DGKB: variants seen among roughly 807,000 people sequenced by gnomAD.
DGKB encodes 90 kDa diacylglycerol kinase.
A neutral mutation model predicts 114.3 loss-of-function variants in DGKB; 67 were observed. That is an observed-to-expected ratio of 0.59 (90% CI 0.48 to 0.72). The LOEUF (loss-of-function observed/expected upper bound fraction) is 0.72, where lower values mean the gene tolerates loss of function less well. DGKB is among the 30% of genes least tolerant of loss of function. The pLI is 0.00. For synonymous variants in DGKB, 398 were observed against 323.1 expected (o/e 1.23, Z -2.49); for missense variants, 907 against 975.2 (o/e 0.93, Z 0.93).
At chr7:14,684,961 TC>T (rs1821423104) in intron 10 of DGKB, among the ~76,000 whole-genome samples, 1 of 151,946 alleles carries the variant, frequency 6.6e-6, no homozygotes, top group Admixed American at 6.6e-5. Context: ...TTCAAAATAA[TC>T]CCTGAAGAAA....
At chr7:14,559,007 A>AT (rs1796272243) in intron 20 of DGKB, among the ~76,000 whole-genome samples, 1 of 152,198 alleles carries the variant, frequency 6.6e-6, no homozygotes, top group South Asian at 2.1e-4. Flanking sequence ...GCATGTCCCT[A>AT]TTTTCTTAGA....
chr7:14,763,924 G>C (rs1224001659), intron 2 of DGKB, among the ~76,000 whole-genome samples: 2 of 151,972 alleles, frequency 1.3e-5, no homozygotes, highest in Non-Finnish European at 2.9e-5. Context: ...TGGTTTTCCA[G>C]GCTAATATGA....
chr7:14,843,235 T>C (rs973889628), intron 1 of DGKB, among the ~76,000 whole-genome samples: 1 of 150,448 alleles, frequency 6.6e-6, no homozygotes, highest in East Asian at 1.9e-4. Flanking sequence ...AAAAAAGGAT[T>C]AAATGTATAC....
chr7:14,257,728 ATTTAC>A (rs1168776538), intron 23 of DGKB, among the ~76,000 whole-genome samples: 7 of 151,812 alleles, frequency 4.6e-5, no homozygotes, highest in Non-Finnish European at 2.9e-5. Context: ...TAAACCTTTT[ATTTAC>A]TTATTTTTTT....
chr7:14,469,404 A>G (rs1780944328), intron 21 of DGKB, among the ~76,000 whole-genome samples: 1 of 152,116 alleles, frequency 6.6e-6, no homozygotes, highest in African/African-American at 2.4e-5. Flanking sequence ...TGCAGTGGCA[A>G]AAATAAAAAA....
At chr7:14,925,479 G>T (rs1488540525) in intron 1 of DGKB, among the ~76,000 whole-genome samples, 1 of 152,090 alleles carries the variant, frequency 6.6e-6, no homozygotes, top group East Asian at 1.9e-4. Context: ...TAAACTTATA[G>T]GTCAATTTAT....
At chr7:14,632,702 G>A (rs1809968507) in intron 13 of DGKB, among the ~76,000 whole-genome samples, 5 of 151,712 alleles carry the variant, frequency 3.3e-5, no homozygotes, top group Admixed American at 3.3e-4. Context: ...GAAATAAGGA[G>A]CACTATTTTC....
chr7:14,395,262 A>G (rs924462853), intron 21 of DGKB, among the ~76,000 whole-genome samples: 1 of 152,100 alleles, frequency 6.6e-6, no homozygotes, highest in Non-Finnish European at 1.5e-5. Context: ...AATGAATACA[A>G]TGATGAAATA....
At chr7:14,378,253 G>A (rs1818815459) in intron 21 of DGKB, among the ~76,000 whole-genome samples, 1 of 152,082 alleles carries the variant, frequency 6.6e-6, no homozygotes, top group Admixed American at 6.6e-5. Context: ...TACGAACATT[G>A]ATTCTCTTTT....
At chr7:14,483,583 T>C (rs1037184759) in intron 20 of DGKB, among the ~76,000 whole-genome samples, 1 of 152,164 alleles carries the variant, frequency 6.6e-6, no homozygotes, top group African/African-American at 2.4e-5. Flanking sequence ...ATGACTGTGA[T>C]CCCTAAACAT....
At chr7:14,747,771 A>ACGCACGCGCGCG (rs1554636358) in intron 4 of DGKB, among the ~76,000 whole-genome samples, 22 of 92,114 alleles carry the variant, frequency 2.4e-4, no homozygotes, top group African/African-American at 1.3e-3. Flanking sequence ...AAACACATCC[A>ACGCACGCGCGCG]CGCGCACGCA....
chr7:14,729,127 T>A lies in DGKB; in HGVS notation c.322+6914A>T, dbSNP rs113752375. ...GAAACGGGTTTCATTTTCTTTCTTTTTTTTTTTTTTTTTTTGATGGAGTCT... is the reference window on the plus strand; with the variant it reads ...GAAACGGGTTTCATTTTCTTTCTTTATTTTTTTTTTTTTTTGATGGAGTCT... On this transcript the variant is annotated intron_variant, in intron 5 of 25. Coordinates refer to ENST00000402815, the MANE Select transcript of DGKB (RefSeq NM_001350709.2). Among the ~76,000 whole-genome samples, 61 of 127,858 alleles carry A rather than the reference T, an allele frequency of 4.8e-4. No individual in the cohort carries two copies. The East Asian group carries it at 0.011, about 23-fold the overall frequency. 83.9% of individuals were successfully genotyped at this position (127,858 alleles called of 152,430 possible).
chr7:14,275,847 A>T (rs2128442948), intron 23 of DGKB, among the ~76,000 whole-genome samples: 1 of 152,336 alleles, frequency 6.6e-6, no homozygotes. Context: ...GGCACAATGC[A>T]AATTTTAAAT....
chr7:14,710,007 G>A (rs1234336476), intron 6 of DGKB, among the ~76,000 whole-genome samples: 3 of 149,272 alleles, frequency 2.0e-5, no homozygotes, highest in African/African-American at 4.9e-5. Context: ...AAAAGAAAAT[G>A]TTTGCCAATC....
At chr7:14,865,406 T>C (rs1247492781) in intron 1 of DGKB, among the ~76,000 whole-genome samples, 1 of 152,186 alleles carries the variant, frequency 6.6e-6, no homozygotes, top group Non-Finnish European at 1.5e-5. Context: ...TTCTGGCAGT[T>C]GGCTGCATCT....
chr7:14,564,590 T>C (rs1318444673), intron 20 of DGKB, among the ~76,000 whole-genome samples: 1 of 152,168 alleles, frequency 6.6e-6, no homozygotes, highest in African/African-American at 2.4e-5. Flanking sequence ...TTATTTGTAT[T>C]TTAATATTAA....
intron 16 of DGKB, among the ~76,000 whole-genome samples, chr7:14,610,122 G>C (rs919505771): frequency 6.6e-6 from 1 of 151,918 alleles, no homozygotes; most frequent in Non-Finnish European, 1.5e-5. Context: ...AATCAACCTA[G>C]GTATCCATCA....
intron 21 of DGKB, among the ~76,000 whole-genome samples, chr7:14,395,527 G>A (rs899608177): frequency 1.3e-5 from 2 of 151,760 alleles, no homozygotes; most frequent in African/African-American, 2.4e-5. Flanking sequence ...CTTATTATAA[G>A]TTGATGTTCA....
intron 23 of DGKB, among the ~76,000 whole-genome samples, chr7:14,320,646 C>T (rs1318361332): frequency 6.6e-6 from 1 of 151,450 alleles, no homozygotes; most frequent in Non-Finnish European, 1.5e-5. Flanking sequence ...AGGGTCTGTC[C>T]TATAACTTAA....
Sources: allele counts gnomAD v4.1 joint callset (sites outside exome capture counted in the v4.1 genomes callset), GRCh38; gene constraint gnomAD v4.1.1; transcripts MANE v1.5; gene names NCBI Gene and HGNC (gene_info 2026-07-23, HGNC 2026-07-21).